The following CLEC2B variants were observed in gnomAD, a reference collection of about 807,000 sequenced individuals.
CLEC2B encodes the protein C-type (calcium dependent, carbohydrate-recognition domain) lectin, superfamily member 2 (activation-induced).
CLEC2B carries 14 observed loss-of-function variants against 16.2 expected under a neutral mutation model. That is an observed-to-expected ratio of 0.86 (90% CI 0.57 to 1.35). The LOEUF (loss-of-function observed/expected upper bound fraction) is 1.35. CLEC2B is among the 40% of genes most tolerant of loss of function. The pLI is 0.00. For missense variants in CLEC2B, 166 were observed against 182.3 expected, an observed-to-expected ratio of 0.91 and a Z score of 0.52; for synonymous variants, 42 against 55.8, an observed-to-expected ratio of 0.75 and a Z score of 1.10.
intron 1 of CLEC2B, among the ~76,000 whole-genome samples, chr12:9,866,666 A>G (rs759431779): frequency 3.0e-4 from 46 of 152,204 alleles, no homozygotes; most frequent in Non-Finnish European, 5.3e-4. Flanking sequence ...AGTCAATTTC[A>G]TATCTGTTAT....
intron 1 of CLEC2B, among the ~76,000 whole-genome samples, chr12:9,868,231 A>G (rs1483891501): frequency 6.6e-6 from 1 of 151,666 alleles, no homozygotes; most frequent in Non-Finnish European, 1.5e-5. Flanking sequence ...GTAGAAAATA[A>G]CACTGGTTTT....
Position 9,857,584 on chromosome 12 carries a change from G to C in CLEC2B, c.127C>G (p.Gln43Glu). Reference protein sequence around the residue: ...SLCPYDWIGFQNKCYYFSKEE... With the variant: ...SLCPYDWIGFENKCYYFSKEE... Reference sequence around the variant, plus strand: ...TTAGAGAAATAATAGCATTTGTTTTGGAAACCAATCCAATCATAGGGGCAT... The same window carrying C: ...TTAGAGAAATAATAGCATTTGTTTTCGAAACCAATCCAATCATAGGGGCAT... Residue 43 changes from glutamine (Q) to glutamate (E), a missense_variant, in exon 3 of 5, where the codon CAA becomes GAA. Gln to Glu is a conservative substitution (Grantham distance 29, BLOSUM62 2). Transcript: ENST00000228438. 6.2e-7 allele frequency: 1 copy of C among 1,611,188 alleles called. No homozygotes were observed. The highest frequency in any genetic ancestry group is 8.5e-7 in the Non-Finnish European group (1 of 1,178,070).
intron 2 of CLEC2B, among the ~76,000 whole-genome samples, chr12:9,861,238 G>A (rs545647976): frequency 2.8e-4 from 42 of 152,056 alleles, no homozygotes; most frequent in Admixed American, 2.6e-3. Flanking sequence ...AGCAGAAAAA[G>A]AGAGCTAACT....
intron 2 of CLEC2B, among the ~76,000 whole-genome samples, chr12:9,860,480 C>T (rs1297984507): frequency 2.0e-5 from 3 of 151,676 alleles, no homozygotes; most frequent in African/African-American, 7.2e-5. Context: ...GAAATCTATT[C>T]TGAAAACTAA....
chr12:9,854,508 A>C (rs963491022), intron 3 of CLEC2B, 24 bp from the exon 4 acceptor site: 6 of 1,477,100 alleles, frequency 4.1e-6, no homozygotes, highest in African/African-American at 1.4e-5. Flanking sequence ...ATTAATTTCA[A>C]AATCATACAT....
intron 2 of CLEC2B, among the ~76,000 whole-genome samples, chr12:9,859,345 A>T (rs1867916637): frequency 6.6e-6 from 1 of 151,952 alleles, no homozygotes; most frequent in Non-Finnish European, 1.5e-5. Context: ...TAAAGTCATA[A>T]GATGACTTTT....
intron 2 of CLEC2B, among the ~76,000 whole-genome samples, chr12:9,858,725 GGTGTATATATACATATACACACATAT>G (rs779529449): frequency 8.0e-5 from 12 of 150,764 alleles, no homozygotes; most frequent in Non-Finnish European, 1.5e-4. Flanking sequence ...TACATATAAG[GGTGTATATATACATATACACACATAT>G]GTGTATATAT....
intron 3 of CLEC2B, chr12:9,854,710 C>A (rs1277609424): frequency 4.0e-6 from 2 of 500,358 alleles, no homozygotes; most frequent in East Asian, 3.3e-5. Flanking sequence ...GATATGATTC[C>A]AAATTGATAA....
intron 1 of CLEC2B, among the ~76,000 whole-genome samples, chr12:9,863,846 G>A (rs1037193499): frequency 2.6e-5 from 4 of 152,100 alleles, no homozygotes; most frequent in African/African-American, 7.2e-5. Flanking sequence ...TGGTGTTTAA[G>A]AGAGAGTCAA....
intron 1 of CLEC2B, among the ~76,000 whole-genome samples, chr12:9,862,856 C>T (rs548887310): frequency 1.3e-3 from 205 of 152,246 alleles, no homozygotes; most frequent in African/African-American, 4.7e-3. Context: ...GGCATGGAAA[C>T]ATCATTTCTA....
In CLEC2B at chr12:9,853,147, A is replaced by G. The variant is rs115682932; in HGVS notation, c.*153T>C. 959 of 565,282 alleles carry G rather than the reference A, an allele frequency of 1.7e-3. 6 individuals are homozygous for G. The highest frequency in any genetic ancestry group is 0.016 in the African/African-American group (823 of 52,574). 35.0% of individuals were successfully genotyped at this position (565,282 alleles called of 1,614,324 possible). A position where few individuals can be genotyped will look rare whatever the true frequency, so the allele number is the denominator to read the frequency against. On this transcript the variant is annotated 3_prime_UTR_variant, in exon 5 of 5. Transcript: ENST00000228438. ...GAATACCTGTAACCATTTTTTGCCA[A>G]TCTTTGAAGTGGCTTTTATGTGTAG...
chr12:9,862,593 A>C lies in CLEC2B; in HGVS notation c.-2-20T>G. ...TCATACCTGAAAAATAAAAATAAAGACATTTAGGAGACTTCTGGCTCCAAA... is the reference window on the plus strand; with the variant it reads ...TCATACCTGAAAAATAAAAATAAAGCCATTTAGGAGACTTCTGGCTCCAAA... On this transcript the variant is annotated intron_variant, in intron 1 of 4. Coordinates refer to ENST00000228438, the MANE Select transcript of CLEC2B (RefSeq NM_005127.3). 1 of 1,434,240 alleles carries C rather than the reference A, an allele frequency of 7.0e-7. No individual in the cohort carries two copies. Among genetic ancestry groups the C allele is most frequent in the Non-Finnish European group, 9.2e-7 (1 of 1,081,428 alleles). 88.8% of individuals were successfully genotyped at this position (1,434,240 alleles called of 1,614,324 possible).
At chr12:9,859,351 C>T (rs1867916680) in intron 2 of CLEC2B, among the ~76,000 whole-genome samples, 1 of 151,826 alleles carries the variant, frequency 6.6e-6, no homozygotes, top group East Asian at 1.9e-4. Flanking sequence ...CATAAGATGA[C>T]TTTTGTTGAA....
chr12:9,858,497 A>T (rs528810731), intron 2 of CLEC2B, among the ~76,000 whole-genome samples: 4 of 151,946 alleles, frequency 2.6e-5, no homozygotes, highest in Non-Finnish European at 1.5e-5. Flanking sequence ...AGGAAACAGA[A>T]CCTTGAGGAT....
At chr12:9,860,748 G>T (rs1266655565) in intron 2 of CLEC2B, among the ~76,000 whole-genome samples, 1 of 151,782 alleles carries the variant, frequency 6.6e-6, no homozygotes, top group Non-Finnish European at 1.5e-5. Flanking sequence ...GAATGATATA[G>T]ATACAAAGAT....
intron 1 of CLEC2B, among the ~76,000 whole-genome samples, chr12:9,865,478 A>C (rs549521181): frequency 6.6e-6 from 1 of 152,320 alleles, no homozygotes; most frequent in Admixed American, 6.5e-5. Context: ...AGTTCTAAAA[A>C]TCTATGGACC....
At chr12:9,856,249 A>G (rs1216300348) in intron 3 of CLEC2B, among the ~76,000 whole-genome samples, 3 of 151,972 alleles carry the variant, frequency 2.0e-5, no homozygotes, top group African/African-American at 4.8e-5. Context: ...CATTTTATTA[A>G]CACTCATTAT....
intron 3 of CLEC2B, chr12:9,854,812 C>T: frequency 1.5e-5 from 6 of 394,830 alleles, no homozygotes; most frequent in South Asian, 9.0e-5. Flanking sequence ...ACAGCATTTC[C>T]AATTACCACA....
intron 2 of CLEC2B, among the ~76,000 whole-genome samples, chr12:9,858,381 T>G (rs1351455183): frequency 1.3e-5 from 2 of 152,010 alleles, no homozygotes; most frequent in African/African-American, 4.8e-5. Context: ...CTTCCCACAT[T>G]CATGTTATCC....
Sources: allele counts gnomAD v4.1 joint callset (sites outside exome capture counted in the v4.1 genomes callset), GRCh38; gene constraint gnomAD v4.1.1; transcripts MANE v1.5; gene names NCBI Gene and HGNC (gene_info 2026-07-23, HGNC 2026-07-21).